The following BIN2 variants were observed in gnomAD, a reference collection of about 807,000 sequenced individuals.
The protein encoded by BIN2 is bridging integrator 2.
A neutral mutation model predicts 67.9 loss-of-function variants in BIN2; 43 were observed. The ratio of observed to expected loss-of-function variants is 0.63; its 90% CI spans 0.50 to 0.82. The LOEUF (loss-of-function observed/expected upper bound fraction) is 0.82, where lower values mean the gene tolerates loss of function less well. BIN2 is among the 40% of genes least tolerant of loss of function. The pLI is 0.00. For missense variants in BIN2, 581 were observed against 671.6 expected, an observed-to-expected ratio of 0.87 and a Z score of 1.49; for synonymous variants, 244 against 246.8, an observed-to-expected ratio of 0.99 and a Z score of 0.11.
At chr12:51,309,517 T>C (rs947566614) in intron 2 of BIN2, among the ~76,000 whole-genome samples, 23 of 152,268 alleles carry the variant, frequency 1.5e-4, no homozygotes, top group African/African-American at 5.1e-4. Context: ...GCACTTATTA[T>C]AGGTGTATCA....
At chr12:51,304,714 A>C (rs934823147) in intron 2 of BIN2, among the ~76,000 whole-genome samples, 25 of 152,312 alleles carry the variant, frequency 1.6e-4, no homozygotes, top group African/African-American at 5.8e-4. Context: ...ACTATTGATG[A>C]TACCAAAAGT....
At chr12:51,302,948 A>T (rs1358674939) in intron 3 of BIN2, 139 bp downstream of exon 3, 6 of 1,174,640 alleles carry the variant, frequency 5.1e-6, no homozygotes, top group African/African-American at 1.5e-5. Context: ...ACTCTTCCTC[A>T]GCCCACAAAA....
At position 51,289,478 on chromosome 12, in the gene BIN2, G is replaced by C. The variant is rs187308827; in HGVS notation, c.1516-1290C>G. 3.9e-5 allele frequency among the ~76,000 whole-genome samples: 6 copies of C among 152,132 alleles called. No homozygotes were observed. The East Asian group carries it at 1.2e-3, about 30-fold the overall frequency. ...AAAAATACAAAAATGAGGCAGGCAT[G>C]GTGGCATGCGCCTGTAGTACCAGCT... On this transcript the variant is annotated intron_variant, in intron 10 of 12. Transcript: ENST00000615107.
At chr12:51,303,440 C>G (rs775181254) in intron 2 of BIN2, among the ~76,000 whole-genome samples, 2 of 152,194 alleles carry the variant, frequency 1.3e-5, no homozygotes, top group Non-Finnish European at 2.9e-5. Flanking sequence ...CCATGTAACA[C>G]TATCTATGCA....
At chr12:51,294,908 G>A (rs137960956) in intron 9 of BIN2, among the ~76,000 whole-genome samples, 88 of 152,104 alleles carry the variant, frequency 5.8e-4, no homozygotes, top group African/African-American at 2.1e-3. Context: ...TTCTTTATAC[G>A]TTCGGTTATG....
chr12:51,320,508 C>CT lies in BIN2; in HGVS notation c.81+3513dup, dbSNP rs766479546. ...GCTCTCTGATCACGTGTCTGAAAAACTACTAATCTCCCATAATTCCTATTT... is the reference window on the plus strand; with the variant it reads ...GCTCTCTGATCACGTGTCTGAAAAACTTACTAATCTCCCATAATTCCTATTT... On this transcript the variant is annotated intron_variant, in intron 1 of 12. Transcript: ENST00000615107. 5.3e-5 allele frequency among the ~76,000 whole-genome samples: 8 copies of CT among 152,194 alleles called. No homozygotes were observed. In the East Asian group the frequency reaches 1.3e-3, roughly 26 times the overall value.
At chr12:51,316,334 A>AAC (rs1415887122) in intron 1 of BIN2, among the ~76,000 whole-genome samples, 2 of 151,290 alleles carry the variant, frequency 1.3e-5, no homozygotes, top group African/African-American at 4.9e-5. Context: ...AATACAAAAA[A>AAC]AAAAAAAAAA....
intron 2 of BIN2, chr12:51,304,090 C>T (rs1369656206): frequency 1.3e-5 from 2 of 152,152 alleles, no homozygotes; most frequent in Non-Finnish European, 2.9e-5. Flanking sequence ...AGTAAAAATA[C>T]AAATGTTAGC....
rs921684243 is a variant in BIN2 at position 51,291,989 on chromosome 12, C to T, written c.1117G>A (p.Ala373Thr). 6.2e-7 allele frequency: 1 copy of T among 1,614,222 alleles called. No individual in the cohort carries two copies. Among genetic ancestry groups the T allele is most frequent in the East Asian group, 2.2e-5 (1 of 44,888 alleles). The change falls in exon 10 of 13, where the codon GCC (alanine) becomes ACC (threonine). Residue 373 changes from alanine (A) to threonine (T), a missense_variant. Coordinates refer to ENST00000615107, the MANE Select transcript of BIN2 (RefSeq NM_016293.4). Reference protein sequence around the residue: ...PSSTTPSPGGALSPSGQPSSS... With the variant: ...PSSTTPSPGGTLSPSGQPSSS... ...GAAGGCTGCCCTGAAGGGCTCAGGG[C>T]TCCGCCTGGTGATGGAGTTGTGGAG... is the stretch of plus-strand genomic sequence containing the variant.
intron 1 of BIN2, among the ~76,000 whole-genome samples, chr12:51,319,251 T>C (rs1946207231): frequency 6.6e-6 from 1 of 152,170 alleles, no homozygotes; most frequent in Non-Finnish European, 1.5e-5. Context: ...GCCAAAAGGC[T>C]TGGAGAGTGT....
Position 51,302,895 on chromosome 12 carries a change from T to G in BIN2, c.218-115A>C, listed in dbSNP as rs1945766982. 4 of 1,164,180 alleles carry G rather than the reference T, an allele frequency of 3.4e-6. No individual in the cohort carries two copies. In the South Asian group the frequency reaches 3.9e-5, roughly 11 times the overall value. 72.1% of individuals were successfully genotyped at this position (1,164,180 alleles called of 1,614,324 possible). ...GAAGGACAAACTCAGAAGGTTTAGG[T>G]TATATAAGTGAGGAAAGCTGGATGG... On this transcript the variant is annotated intron_variant, in intron 3 of 12. Transcript: ENST00000615107.
chr12:51,323,882 T>C (rs1379843044), intron 1 of BIN2, 140 bp downstream of exon 1: 11 of 1,047,922 alleles, frequency 1.0e-5, no homozygotes, highest in Middle Eastern at 2.9e-4. Flanking sequence ...CCCGTTTCCC[T>C]GGGAGAGCGG....
intron 2 of BIN2, among the ~76,000 whole-genome samples, chr12:51,309,644 G>A (rs1430405587): frequency 1.3e-5 from 2 of 151,890 alleles, no homozygotes; most frequent in Non-Finnish European, 2.9e-5. Flanking sequence ...CCAAAGTGTT[G>A]GGATGACAGG....
chr12:51,317,454 G>A (rs1592282893), intron 1 of BIN2, among the ~76,000 whole-genome samples: 1 of 151,574 alleles, frequency 6.6e-6, no homozygotes, highest in Non-Finnish European at 1.5e-5. Flanking sequence ...GATCATCTGA[G>A]GTCAGGAGTT....
At chr12:51,323,967 G>A in intron 1 of BIN2, 55 bp downstream of exon 1, 3 of 1,596,662 alleles carry the variant, frequency 1.9e-6, no homozygotes, top group South Asian at 1.1e-5. Flanking sequence ...GGCCGGGCTC[G>A]GCCTCGGCCT....
At chr12:51,300,445 T>TA in intron 5 of BIN2, among the ~76,000 whole-genome samples, 1 of 152,324 alleles carries the variant, frequency 6.6e-6, no homozygotes, top group Non-Finnish European at 1.5e-5. Flanking sequence ...CTGCCATTCA[T>TA]AGCCTGTGGC....
At chr12:51,324,653 T>G, upstream of BIN2, 1 of 986,880 alleles carries the variant, frequency 1.0e-6, no homozygotes, top group Non-Finnish European at 1.4e-6. Context: ...GAGCCGGGCT[T>G]GAAAGAGAGA....
chr12:51,285,993 C>G (rs1444183698), intron 11 of BIN2, among the ~76,000 whole-genome samples: 2 of 152,124 alleles, frequency 1.3e-5, no homozygotes, highest in Non-Finnish European at 2.9e-5. Flanking sequence ...TCTTTTTACT[C>G]CCTCCTCCCT....
intron 7 of BIN2, among the ~76,000 whole-genome samples, chr12:51,298,358 G>A (rs1170189334): frequency 1.3e-5 from 2 of 151,942 alleles, no homozygotes; most frequent in Non-Finnish European, 2.9e-5. Context: ...GCAACAGAGT[G>A]AGACTCTGTC....
Sources: allele counts gnomAD v4.1 joint callset (sites outside exome capture counted in the v4.1 genomes callset), GRCh38; gene constraint gnomAD v4.1.1; transcripts MANE v1.5; gene names NCBI Gene and HGNC (gene_info 2026-07-23, HGNC 2026-07-21).